The following BRINP3 variants were observed in gnomAD, a reference collection of about 807,000 sequenced individuals.
BRINP3 encodes the protein BMP/retinoic acid inducible neural specific 3.
BRINP3 carries 19 observed loss-of-function variants against 71.0 expected under a neutral mutation model. The observed-to-expected ratio is 0.27, with a 90% confidence interval of 0.19 to 0.39. BRINP3 has a LOEUF of 0.39. Ranked by LOEUF, BRINP3 falls within the 10% of genes least tolerant of loss-of-function variation. The probability of loss-of-function intolerance (pLI) is 1.00; values close to 1 mark genes in which losing one functional copy is unlikely to be tolerated. For synonymous variants in BRINP3, 380 were observed against 337.7 expected (o/e 1.13, Z -1.37); for missense variants, 959 against 940.8 (o/e 1.02, Z -0.25).
intron 7 of BRINP3, among the ~76,000 whole-genome samples, chr1:190,134,275 T>A (rs2102363154): frequency 6.6e-6 from 1 of 152,156 alleles, no homozygotes; most frequent in East Asian, 1.9e-4. Flanking sequence ...AAAGGATATG[T>A]GTTCCAGGTA....
chr1:190,354,136 G>C (rs1359956584), intron 2 of BRINP3, among the ~76,000 whole-genome samples: 1 of 151,818 alleles, frequency 6.6e-6, no homozygotes, highest in Non-Finnish European at 1.5e-5. Context: ...CTACCAATTT[G>C]ACTAAGCTAT....
At chr1:190,177,749 C>T (rs1299116816) in intron 6 of BRINP3, among the ~76,000 whole-genome samples, 1 of 152,112 alleles carries the variant, frequency 6.6e-6, no homozygotes, top group African/African-American at 2.4e-5. Context: ...ATAAATCTTT[C>T]CTAATGCATT....
intron 6 of BRINP3, among the ~76,000 whole-genome samples, chr1:190,192,480 A>G (rs997839326): frequency 2.0e-5 from 3 of 152,056 alleles, no homozygotes; most frequent in Non-Finnish European, 4.4e-5. Context: ...TATATGTTCC[A>G]TGAACCAGCA....
chr1:190,148,960 C>G (rs1191737078), intron 7 of BRINP3, among the ~76,000 whole-genome samples: 1 of 152,120 alleles, frequency 6.6e-6, no homozygotes, highest in Non-Finnish European at 1.5e-5. Flanking sequence ...CCTCTATAGC[C>G]AGATTGCCTG....
intron 6 of BRINP3, among the ~76,000 whole-genome samples, chr1:190,196,502 CAGTTTCCTCAGCCAGAAATCCAAGAGAGA>C (rs1462085649): frequency 1.3e-5 from 2 of 152,064 alleles, no homozygotes; most frequent in Non-Finnish European, 2.9e-5. Flanking sequence ...GTTATAATAA[CAGTTTCCTCAGCCAGAAATCCAAGAGAGA>C]AGCACATATC....
At position 190,396,339 on chromosome 1, in the gene BRINP3, T is replaced by C. The variant is rs185961506; in HGVS notation, c.236+58316A>G. Reference sequence around the variant, plus strand: ...AGAAAGTTATACAGTTTACAGTACATATGTATACAAAGAAAGCAAAACACT... The same window carrying C: ...AGAAAGTTATACAGTTTACAGTACACATGTATACAAAGAAAGCAAAACACT... On this transcript the variant is annotated intron_variant, in intron 2 of 7. Transcript: ENST00000367462. Among the ~76,000 whole-genome samples the C allele has an allele frequency of 2.0e-5, 3 of 151,910 alleles. No individual in the cohort carries two copies. In the Admixed American group the frequency reaches 2.0e-4, roughly 10 times the overall value.
chr1:190,158,072 G>T (rs1204397644), intron 7 of BRINP3, among the ~76,000 whole-genome samples: 1 of 152,132 alleles, frequency 6.6e-6, no homozygotes. Context: ...GTTTGGCTGT[G>T]TTCCCACCCA....
chr1:190,302,954 G>T (rs1310550068), intron 2 of BRINP3, among the ~76,000 whole-genome samples: 2 of 151,670 alleles, frequency 1.3e-5, no homozygotes, highest in Non-Finnish European at 3.0e-5. Context: ...TTATAGTTGT[G>T]TTTCACTTCG....
intron 6 of BRINP3, among the ~76,000 whole-genome samples, chr1:190,225,730 C>A (rs2102700477): frequency 6.6e-6 from 1 of 152,028 alleles, no homozygotes; most frequent in South Asian, 2.1e-4. Context: ...CAAATGCTGT[C>A]TTCATTTTGC....
At chr1:190,381,289 C>A (rs572940495) in intron 2 of BRINP3, among the ~76,000 whole-genome samples, 1 of 151,968 alleles carries the variant, frequency 6.6e-6, no homozygotes, top group South Asian at 2.1e-4. Flanking sequence ...CAAAACAAAA[C>A]GAAACAAAAC....
chr1:190,160,662 T>C lies in BRINP3; in HGVS notation c.1184+6A>G. ...TTAATTGCTTACATTACCACAAATG[T>C]CTTACCTTTGTCTTGGCAGGCTGAT... On this transcript the variant is annotated splice_donor_region_variant and intron_variant, in intron 7 of 7. Coordinates refer to ENST00000367462, the MANE Select transcript of BRINP3 (RefSeq NM_199051.3). The C allele has an allele frequency of 1.9e-6, 3 of 1,609,992 alleles. No homozygotes were observed. The highest frequency in any genetic ancestry group is 2.5e-6 in the Non-Finnish European group (3 of 1,178,134).
intron 2 of BRINP3, among the ~76,000 whole-genome samples, chr1:190,364,885 A>G (rs1485459831): frequency 6.6e-6 from 1 of 152,140 alleles, no homozygotes; most frequent in Non-Finnish European, 1.5e-5. Context: ...TGAGTGACAA[A>G]GAGACTATGT....
intron 2 of BRINP3, among the ~76,000 whole-genome samples, chr1:190,381,692 A>C (rs1309275895): frequency 2.0e-5 from 3 of 152,158 alleles, no homozygotes; most frequent in Non-Finnish European, 4.4e-5. Flanking sequence ...ATGTAAATGA[A>C]TGGCAGTGAT....
chr1:190,403,497 C>T (rs116115385), intron 2 of BRINP3, among the ~76,000 whole-genome samples: 94 of 152,174 alleles, frequency 6.2e-4, no homozygotes, highest in African/African-American at 1.9e-3. Context: ...GCCAAAATAG[C>T]ATTATCTTAG....
At chr1:190,104,669 C>T (rs1383404276) in intron 7 of BRINP3, among the ~76,000 whole-genome samples, 1 of 151,928 alleles carries the variant, frequency 6.6e-6, no homozygotes, top group Non-Finnish European at 1.5e-5. Flanking sequence ...CTTTGTGATC[C>T]TTTTGAAACC....
At chr1:190,241,416 A>G (rs569295769) in intron 4 of BRINP3, among the ~76,000 whole-genome samples, 46 of 152,186 alleles carry the variant, frequency 3.0e-4, no homozygotes, top group African/African-American at 1.1e-3. Flanking sequence ...TCCAAGCTTT[A>G]TAGTTAACAA....
chr1:190,305,417 A>G (rs1292612392), intron 2 of BRINP3, among the ~76,000 whole-genome samples: 1 of 151,884 alleles, frequency 6.6e-6, no homozygotes, highest in African/African-American at 2.4e-5. Context: ...AATACTATTC[A>G]GGCATAAAAA....
Position 190,280,582 on chromosome 1 carries a change from C to A in BRINP3, c.427+978G>T, listed in dbSNP as rs543950047. On this transcript the variant is annotated intron_variant, in intron 3 of 7. Transcript: ENST00000367462. Reference sequence around the variant, plus strand: ...ATGACTTGCTGAAAGACTGGGCTGGCAGGTTAAGGAAAGACAAGACATCCT... The same window carrying A: ...ATGACTTGCTGAAAGACTGGGCTGGAAGGTTAAGGAAAGACAAGACATCCT... Among the ~76,000 whole-genome samples, 6 of 151,814 alleles carry A rather than the reference C, an allele frequency of 4.0e-5. No homozygotes were observed. The South Asian group carries it at 8.3e-4, about 21-fold the overall frequency.
chr1:190,183,515 C>T (rs936504611), intron 6 of BRINP3, among the ~76,000 whole-genome samples: 2 of 152,020 alleles, frequency 1.3e-5, no homozygotes, highest in African/African-American at 4.8e-5. Context: ...CATTGAAACA[C>T]CTGGGGAACA....
Sources: gnomAD v4.1 joint callset for allele counts (sites outside exome capture counted in the v4.1 genomes callset) on GRCh38, gnomAD v4.1.1 for gene constraint, MANE v1.5 for transcripts, NCBI Gene and HGNC (gene_info 2026-07-23, HGNC 2026-07-21) for gene names.